Variants in CSMD1 observed in about 807,000 individuals in gnomAD.
CSMD1 encodes the protein CUB and Sushi multiple domains 1.
A neutral mutation model predicts 417.5 loss-of-function variants in CSMD1; 213 were observed. The observed-to-expected ratio is 0.51, with a 90% CI of 0.46 to 0.57. The LOEUF (loss-of-function observed/expected upper bound fraction) is 0.57. Among genes scored for constraint, CSMD1 ranks in the 20% least tolerant of loss-of-function variants. The pLI is 0.00. For synonymous variants in CSMD1, 2,862 were observed against 1,736.8 expected (o/e 1.65, Z -16.11); for missense variants, 6,923 against 4,529.7 (o/e 1.53, Z -15.17).
intron 3 of CSMD1, among the ~76,000 whole-genome samples, chr8:4,352,741 G>A (rs757929766): frequency 2.6e-5 from 4 of 152,176 alleles, no homozygotes; most frequent in Non-Finnish European, 5.9e-5. Context: ...TGAGATTTAA[G>A]AGTCATTTGA....
intron 12 of CSMD1, among the ~76,000 whole-genome samples, chr8:3,442,119 G>A (rs1236278319): frequency 2.6e-5 from 4 of 151,498 alleles, no homozygotes; most frequent in Non-Finnish European, 2.9e-5. Context: ...TACAGAAGAA[G>A]ACTATAAAAA....
intron 6 of CSMD1, among the ~76,000 whole-genome samples, chr8:3,737,726 A>T (rs2129049390): frequency 6.6e-6 from 1 of 152,360 alleles, no homozygotes; most frequent in Middle Eastern, 3.4e-3. Context: ...TGAGGCAGTG[A>T]TATTTAATTA....
At chr8:3,470,675 C>G (rs931219274) in intron 11 of CSMD1, among the ~76,000 whole-genome samples, 3 of 152,118 alleles carry the variant, frequency 2.0e-5, no homozygotes, top group African/African-American at 7.2e-5. Context: ...TCATGCCCCT[C>G]TTGCTACACC....
chr8:4,516,318 T>G (rs1480537646), intron 2 of CSMD1, among the ~76,000 whole-genome samples: 1 of 152,080 alleles, frequency 6.6e-6, no homozygotes, highest in East Asian at 1.9e-4. Flanking sequence ...ACTTCTCGAT[T>G]CCAAAATTAA....
chr8:4,924,345 T>A (rs1353498246), intron 1 of CSMD1, among the ~76,000 whole-genome samples: 1 of 152,212 alleles, frequency 6.6e-6, no homozygotes, highest in East Asian at 1.9e-4. Flanking sequence ...CTCTCAAGAA[T>A]TTGAACGTTT....
intron 22 of CSMD1, among the ~76,000 whole-genome samples, chr8:3,346,627 A>C (rs1201109161): frequency 6.6e-6 from 1 of 152,178 alleles, no homozygotes; most frequent in African/African-American, 2.4e-5. Context: ...AAGGCCCTTT[A>C]ATCTGTAAGC....
chr8:3,685,673 G>C (rs78753455), intron 7 of CSMD1, among the ~76,000 whole-genome samples: 1 of 152,116 alleles, frequency 6.6e-6, no homozygotes, highest in African/African-American at 2.4e-5. Context: ...TCTGAGGAAG[G>C]AAGTCAAAGA....
At chr8:4,093,256 T>TA (rs35762992) in intron 3 of CSMD1, among the ~76,000 whole-genome samples, 26 of 152,044 alleles carry the variant, frequency 1.7e-4, no homozygotes, top group Admixed American at 5.9e-4. Flanking sequence ...CTAATTAAGC[T>TA]AAAAAATCAC....
intron 10 of CSMD1, among the ~76,000 whole-genome samples, chr8:3,537,903 C>A (rs1231871832): frequency 1.3e-5 from 2 of 152,192 alleles, no homozygotes; most frequent in Non-Finnish European, 2.9e-5. Context: ...GTTCCTTTTA[C>A]TTCTCTTGGA....
chr8:3,872,706 C>G (rs1022506372), intron 5 of CSMD1, among the ~76,000 whole-genome samples: 4 of 152,014 alleles, frequency 2.6e-5, no homozygotes, highest in African/African-American at 7.2e-5. Context: ...CTTAGAAGGC[C>G]TTGTTCTCAC....
At chr8:4,204,940 G>A (rs1043170851) in intron 3 of CSMD1, among the ~76,000 whole-genome samples, 1 of 152,072 alleles carries the variant, frequency 6.6e-6, no homozygotes, top group Non-Finnish European at 1.5e-5. Context: ...GATTACAAAT[G>A]TGAGCCACTG....
At chr8:3,523,015 C>CACACA (rs1563119017) in intron 10 of CSMD1, among the ~76,000 whole-genome samples, 23 of 141,874 alleles carry the variant, frequency 1.6e-4, no homozygotes, top group East Asian at 6.1e-4. Flanking sequence ...ATACACACAC[C>CACACA]CACACACACA....
At chr8:4,127,673 G>A (rs1030085036) in intron 3 of CSMD1, among the ~76,000 whole-genome samples, 1 of 151,922 alleles carries the variant, frequency 6.6e-6, no homozygotes, top group Non-Finnish European at 1.5e-5. Flanking sequence ...CTACTTATAA[G>A]GAAGATATTA....
chr8:4,259,086 T>C (rs983015931), intron 3 of CSMD1, among the ~76,000 whole-genome samples: 2 of 152,200 alleles, frequency 1.3e-5, no homozygotes, highest in East Asian at 1.9e-4. Flanking sequence ...ATGATTTTGA[T>C]GTAGCATTTA....
At position 4,746,591 on chromosome 8, in the gene CSMD1, C is replaced by G. The variant is rs1029962030; in HGVS notation, c.86-109033G>C. 2.0e-5 allele frequency among the ~76,000 whole-genome samples: 3 copies of G among 152,160 alleles called. No homozygotes were observed. The East Asian group carries it at 5.8e-4, about 29-fold the overall frequency. The stretch of plus-strand genomic sequence containing the variant: ...AATGAAGGAATGTGATCTATTCTAG[C>G]GAGCATGCATTTTGTCCACCACAGC... On this transcript the variant is annotated intron_variant, in intron 1 of 69. Coordinates refer to ENST00000635120, the MANE Select transcript of CSMD1 (RefSeq NM_033225.6).
At position 3,335,671 on chromosome 8, in the gene CSMD1, G is replaced by A. The variant is rs532903736; in HGVS notation, c.3631+7623C>T. ...AGCCTGGGTGACAGAGTGAGACTCC[G>A]ACTCAAGAAAATAATAATAATAAAT... On this transcript the variant is annotated intron_variant, in intron 23 of 69. Transcript: ENST00000635120. 2.2e-4 allele frequency among the ~76,000 whole-genome samples: 33 copies of A among 152,202 alleles called. No homozygotes were observed. In the Middle Eastern group the frequency reaches 0.01, roughly 47 times the overall value.
intron 10 of CSMD1, among the ~76,000 whole-genome samples, chr8:3,536,320 G>A (rs1447556241): frequency 6.6e-6 from 1 of 152,130 alleles, no homozygotes; most frequent in Non-Finnish European, 1.5e-5. Flanking sequence ...TATTTAAAAT[G>A]GCAGCCTGTG....
intron 3 of CSMD1, among the ~76,000 whole-genome samples, chr8:4,113,238 A>G (rs930473443): frequency 5.9e-5 from 9 of 152,116 alleles, no homozygotes; most frequent in Admixed American, 4.6e-4. Context: ...TATGTGTTCA[A>G]TTGAAAGAAA....
chr8:4,050,789 C>T (rs1798384585), intron 3 of CSMD1, among the ~76,000 whole-genome samples: 1 of 152,086 alleles, frequency 6.6e-6, no homozygotes, highest in South Asian at 2.1e-4. Context: ...TTCAGAGTCC[C>T]TGAAACGGTG....
Sources: gnomAD v4.1 joint callset for allele counts (sites outside exome capture counted in the v4.1 genomes callset) on GRCh38, gnomAD v4.1.1 for gene constraint, MANE v1.5 for transcripts, NCBI Gene and HGNC (gene_info 2026-07-23, HGNC 2026-07-21) for gene names.